The following PTPRD variants were observed in gnomAD, a reference collection of about 807,000 sequenced individuals.
The protein encoded by PTPRD is protein tyrosine phosphatase receptor type D, also known as receptor-type tyrosine-protein phosphatase delta.
PTPRD carries 34 observed loss-of-function variants against 214.5 expected under a neutral mutation model. The ratio of observed to expected loss-of-function variants is 0.16; its 90% CI spans 0.12 to 0.21. The LOEUF (loss-of-function observed/expected upper bound fraction) is 0.21. PTPRD is among the 10% of genes least tolerant of loss of function. The pLI is 1.00. For missense variants in PTPRD, 2,545 were observed against 2,398.7 expected (o/e 1.06, Z -1.27); for synonymous variants, 1,128 against 845.7 (o/e 1.33, Z -5.79).
intron 3 of PTPRD, among the ~76,000 whole-genome samples, chr9:10,169,399 C>G (rs56820532): frequency 0.36 from 52,770 of 145,458 alleles, 9,603 homozygotes; most frequent in Middle Eastern, 0.45. Flanking sequence ...GCGTGAACCC[C>G]GGAGGCGGAG....
chr9:9,854,967 C>A (rs1354411618), intron 5 of PTPRD, among the ~76,000 whole-genome samples: 1 of 152,040 alleles, frequency 6.6e-6, no homozygotes, highest in African/African-American at 2.4e-5. Flanking sequence ...ATGGAAGAAA[C>A]ATGATACATT....
intron 11 of PTPRD, among the ~76,000 whole-genome samples, chr9:8,897,592 C>G (rs2098630390): frequency 6.6e-6 from 1 of 152,184 alleles, no homozygotes; most frequent in African/African-American, 2.4e-5. Context: ...ACAACACAGA[C>G]AAGGATTTCT....
intron 3 of PTPRD, among the ~76,000 whole-genome samples, chr9:10,062,706 A>AT (rs33950343): frequency 0.22 from 34,121 of 151,714 alleles, 8,358 homozygotes; most frequent in African/African-American, 0.62. Context: ...GGAAAGTAAT[A>AT]TTTTTTTTCT....
At chr9:8,979,397 C>T (rs1016143541) in intron 11 of PTPRD, among the ~76,000 whole-genome samples, 6 of 152,064 alleles carry the variant, frequency 3.9e-5, no homozygotes, top group East Asian at 1.9e-4. Flanking sequence ...GAAACTACAT[C>T]GAACTCAGAA....
chr9:10,288,891 T>C (rs2095443974), intron 3 of PTPRD, among the ~76,000 whole-genome samples: 2 of 151,850 alleles, frequency 1.3e-5, no homozygotes, highest in African/African-American at 4.8e-5. Context: ...TAGAGAGGAG[T>C]CTAACCTTGC....
intron 5 of PTPRD, among the ~76,000 whole-genome samples, chr9:9,777,684 G>A (rs1263842593): frequency 2.0e-5 from 3 of 152,102 alleles, no homozygotes; most frequent in Non-Finnish European, 4.4e-5. Context: ...GCAACAGAGT[G>A]AGCCTCTATC....
chr9:10,348,766 A>G (rs1481930319), intron 2 of PTPRD, among the ~76,000 whole-genome samples: 1 of 152,132 alleles, frequency 6.6e-6, no homozygotes, highest in African/African-American at 2.4e-5. Flanking sequence ...GGGACCTTAA[A>G]CTCACTAAGC....
chr9:9,209,859 A>G (rs1168512930), intron 9 of PTPRD, among the ~76,000 whole-genome samples: 1 of 151,918 alleles, frequency 6.6e-6, no homozygotes, highest in Admixed American at 6.6e-5. Flanking sequence ...AAGATATGAA[A>G]CTCCTGGGTC....
At chr9:9,222,414 C>T (rs141633193) in intron 9 of PTPRD, among the ~76,000 whole-genome samples, 49 of 151,988 alleles carry the variant, frequency 3.2e-4, no homozygotes, top group African/African-American at 1.0e-3. Flanking sequence ...ACAGGGAGTG[C>T]GACATTACTT....
At chr9:9,086,284 T>C (rs952847996) in intron 10 of PTPRD, among the ~76,000 whole-genome samples, 10 of 152,106 alleles carry the variant, frequency 6.6e-5, no homozygotes, top group African/African-American at 2.4e-4. Flanking sequence ...GTGAGAAGCA[T>C]AGTAGTTTTA....
At chr9:9,508,488 T>G (rs1319228329) in intron 8 of PTPRD, among the ~76,000 whole-genome samples, 7 of 151,722 alleles carry the variant, frequency 4.6e-5, no homozygotes. Flanking sequence ...TAGAATAGCT[T>G]TTTCTCCATA....
chr9:10,182,218 C>T (rs1409768563), intron 3 of PTPRD, among the ~76,000 whole-genome samples: 1 of 137,666 alleles, frequency 7.3e-6, no homozygotes, highest in African/African-American at 2.8e-5. Context: ...TGAGATCATG[C>T]CATCTTGTTC....
chr9:8,964,190 GTGTTTTTTTTT>G (rs1237396931), intron 11 of PTPRD, among the ~76,000 whole-genome samples: 3 of 52,956 alleles, frequency 5.7e-5, no homozygotes, highest in African/African-American at 2.1e-4. Context: ...GTTCAGGGCT[GTGTTTTTTTTT>G]TTTTTTTTTT....
At chr9:8,567,026 C>G (rs999625821) in intron 14 of PTPRD, among the ~76,000 whole-genome samples, 1 of 152,136 alleles carries the variant, frequency 6.6e-6, no homozygotes, top group African/African-American at 2.4e-5. Flanking sequence ...CCACCCCTCT[C>G]GAATGCTACC....
chr9:9,535,988 G>C (rs1454190590), intron 8 of PTPRD, among the ~76,000 whole-genome samples: 1 of 152,000 alleles, frequency 6.6e-6, no homozygotes, highest in Non-Finnish European at 1.5e-5. Context: ...ACCAAGAAAG[G>C]TAATGTCATA....
At chr9:9,532,933 T>G (rs1011132090) in intron 8 of PTPRD, among the ~76,000 whole-genome samples, 4 of 152,182 alleles carry the variant, frequency 2.6e-5, no homozygotes, top group African/African-American at 9.6e-5. Flanking sequence ...ATTTTGGTTT[T>G]ACCACATTCA....
At chr9:8,840,236 T>C (rs2097532403) in intron 11 of PTPRD, among the ~76,000 whole-genome samples, 1 of 152,162 alleles carries the variant, frequency 6.6e-6, no homozygotes, top group East Asian at 1.9e-4. Flanking sequence ...ATTCCACGTG[T>C]TGTAGGAGAT....
chr9:9,208,846 C>A (rs10977576), intron 9 of PTPRD, among the ~76,000 whole-genome samples: 5 of 151,368 alleles, frequency 3.3e-5, no homozygotes, highest in South Asian at 2.1e-4. Flanking sequence ...CTCGCTCTGT[C>A]GCCAAAGCTG....
At chr9:10,051,144 G>C (rs1282755659) in intron 3 of PTPRD, among the ~76,000 whole-genome samples, 1 of 152,052 alleles carries the variant, frequency 6.6e-6, no homozygotes, top group African/African-American at 2.4e-5. Flanking sequence ...TACAAGCATA[G>C]AATGAAGTCA....
Sources: gnomAD v4.1 joint callset for allele counts (sites outside exome capture counted in the v4.1 genomes callset) on GRCh38, gnomAD v4.1.1 for gene constraint, MANE v1.5 for transcripts, NCBI Gene and HGNC (gene_info 2026-07-23, HGNC 2026-07-21) for gene names.